DPH6: variants seen among roughly 807,000 people sequenced by gnomAD.
The protein encoded by DPH6 is diphthamine biosynthesis 6.
In DPH6, 33 loss-of-function variants were observed where a neutral mutation model predicts 38.2. That is an observed-to-expected ratio of 0.86 (90% CI 0.65 to 1.15). The LOEUF (loss-of-function observed/expected upper bound fraction) is 1.15. DPH6 is among the 50% of genes most tolerant of loss of function. DPH6 has a pLI of 0.00. For missense variants in DPH6, 325 were observed against 320.0 expected, an observed-to-expected ratio of 1.02 and a Z score of -0.12; for synonymous variants, 108 against 103.0, an observed-to-expected ratio of 1.05 and a Z score of -0.30.
chr15:35,483,013 A>G (rs1215055634), intron 3 of DPH6, among the ~76,000 whole-genome samples: 1 of 152,048 alleles, frequency 6.6e-6, no homozygotes, highest in Non-Finnish European at 1.5e-5. Context: ...ATTACCTATT[A>G]AATTGTATAT....
intron 3 of DPH6, among the ~76,000 whole-genome samples, chr15:35,352,671 A>G (rs1487862967): frequency 2.0e-5 from 3 of 152,196 alleles, no homozygotes; most frequent in Admixed American, 6.5e-5. Context: ...TTCTTAATCC[A>G]GTCTATCATT....
intron 3 of DPH6, among the ~76,000 whole-genome samples, chr15:35,518,819 G>C (rs2141231704): frequency 6.6e-6 from 1 of 152,032 alleles, no homozygotes; most frequent in Non-Finnish European, 1.5e-5. Context: ...TGGAAATAAA[G>C]TTACCATTTG....
At chr15:35,361,637 ACT>A (rs1362495747) in intron 3 of DPH6, among the ~76,000 whole-genome samples, 2 of 147,460 alleles carry the variant, frequency 1.4e-5, no homozygotes, top group African/African-American at 5.0e-5. Context: ...CCTTTTTTAT[ACT>A]CTGACTCAAA....
intron 3 of DPH6, among the ~76,000 whole-genome samples, chr15:35,231,054 G>C (rs2051514083): frequency 6.6e-6 from 1 of 152,198 alleles, no homozygotes; most frequent in Non-Finnish European, 1.5e-5. Context: ...TCTACTGTCT[G>C]TGGGCTCATT....
chr15:35,466,581 T>C (rs904342628), intron 3 of DPH6, among the ~76,000 whole-genome samples: 6 of 152,184 alleles, frequency 3.9e-5, no homozygotes, highest in African/African-American at 1.4e-4. Flanking sequence ...TTTGCAGTAA[T>C]AGGACCATAT....
intron 3 of DPH6, chr15:35,490,004 T>C: frequency 8.1e-6 from 8 of 985,372 alleles, no homozygotes; most frequent in Non-Finnish European, 9.6e-6. Flanking sequence ...GAAAACCCTT[T>C]ATGTAGAAGA....
chr15:35,410,372 G>A (rs187451204), intron 6 of DPH6, among the ~76,000 whole-genome samples: 3 of 151,830 alleles, frequency 2.0e-5, no homozygotes, highest in African/African-American at 7.2e-5. Flanking sequence ...GTTTCACAAT[G>A]AGAAGTTAAG....
chr15:35,443,605 C>T (rs57283858), intron 5 of DPH6, among the ~76,000 whole-genome samples: 3,747 of 152,270 alleles, frequency 0.025, 156 homozygotes, highest in African/African-American at 0.085. Context: ...AAACTAGTGT[C>T]TCCAGCTTTA....
chr15:35,248,328 C>A (rs1432802267), intron 3 of DPH6, among the ~76,000 whole-genome samples: 1 of 152,178 alleles, frequency 6.6e-6, no homozygotes, highest in East Asian at 1.9e-4. Context: ...CTTTCCCCCA[C>A]CTTTCTAAGA....
chr15:35,458,176 T>C (rs912210540), intron 3 of DPH6, among the ~76,000 whole-genome samples: 1 of 152,180 alleles, frequency 6.6e-6, no homozygotes, highest in African/African-American at 2.4e-5. Context: ...ATATTTTTTA[T>C]CTACAGTGGG....
chr15:35,459,679 C>T (rs993212962), intron 3 of DPH6, among the ~76,000 whole-genome samples: 1 of 151,896 alleles, frequency 6.6e-6, no homozygotes, highest in Non-Finnish European at 1.5e-5. Context: ...TGGAAGACAC[C>T]GGGGGTACAC....
intron 3 of DPH6, among the ~76,000 whole-genome samples, chr15:35,232,586 CAA>C (rs928418839): frequency 3.3e-5 from 5 of 150,770 alleles, no homozygotes; most frequent in Middle Eastern, 6.8e-3. Context: ...GTGTCAAAAA[CAA>C]AAACAAAAAC....
chr15:35,462,262 G>A (rs1407689965), intron 3 of DPH6, among the ~76,000 whole-genome samples: 5 of 152,120 alleles, frequency 3.3e-5, no homozygotes, highest in Non-Finnish European at 5.9e-5. Flanking sequence ...CCTCCCTACA[G>A]TCTATCTCCA....
At chr15:35,522,920 T>G (rs1229264938) in intron 3 of DPH6, among the ~76,000 whole-genome samples, 1 of 152,124 alleles carries the variant, frequency 6.6e-6, no homozygotes, top group Non-Finnish European at 1.5e-5. Flanking sequence ...TATACAGATG[T>G]ATTTCTGCAA....
chr15:35,506,747 G>A (rs2054699482), intron 3 of DPH6, among the ~76,000 whole-genome samples: 2 of 152,106 alleles, frequency 1.3e-5, no homozygotes, highest in Admixed American at 1.3e-4. Context: ...CCAATTATGA[G>A]CCAGTCACTC....
At chr15:35,299,200 C>A (rs1262940682) in intron 3 of DPH6, 27 of 1,342,848 alleles carry the variant, frequency 2.0e-5, no homozygotes, top group Non-Finnish European at 1.1e-6. Context: ...CCACTGGGAA[C>A]AGGATCCTTC....
At chr15:35,352,793 C>G (rs1310102365) in intron 3 of DPH6, among the ~76,000 whole-genome samples, 1 of 152,148 alleles carries the variant, frequency 6.6e-6, no homozygotes, top group Non-Finnish European at 1.5e-5. Context: ...TGGGTATATA[C>G]CCAGTAATGG....
intron 3 of DPH6, among the ~76,000 whole-genome samples, chr15:35,300,679 C>T (rs2052048803): frequency 6.6e-6 from 1 of 152,170 alleles, no homozygotes; most frequent in African/African-American, 2.4e-5. Flanking sequence ...TTATCTTTCA[C>T]CCCATATGGT....
At chr15:35,272,441 T>A (rs2051828595) in intron 3 of DPH6, among the ~76,000 whole-genome samples, 1 of 152,122 alleles carries the variant, frequency 6.6e-6, no homozygotes, top group Non-Finnish European at 1.5e-5. Context: ...CTTGCTGATA[T>A]TGTTTGGATG....
Sources: allele counts gnomAD v4.1 joint callset (sites outside exome capture counted in the v4.1 genomes callset), GRCh38; gene constraint gnomAD v4.1.1; transcripts MANE v1.5; gene names NCBI Gene and HGNC (gene_info 2026-07-23, HGNC 2026-07-21).